Variants in PCDHGA3 observed in about 807,000 individuals in gnomAD.
The protein encoded by PCDHGA3 is protocadherin gamma subfamily A, 3, also known as protocadherin gamma-A3.
PCDHGA3 carries 40 observed loss-of-function variants against 58.5 expected under a neutral mutation model. That is an observed-to-expected ratio of 0.68 (90% CI 0.53 to 0.89). The LOEUF (loss-of-function observed/expected upper bound fraction) is 0.89, where lower values mean the gene tolerates loss of function less well. PCDHGA3 is among the 40% of genes least tolerant of loss of function. The pLI, the probability that PCDHGA3 is intolerant of heterozygous loss-of-function variation, is 0.00. For missense variants in PCDHGA3, 1,223 were observed against 1,195.9 expected (o/e 1.02, Z -0.33); for synonymous variants, 530 against 525.7 (o/e 1.01, Z -0.11).
intron 1 of PCDHGA3, among the ~76,000 whole-genome samples, chr5:141,472,527 G>A (rs905459978): frequency 1.3e-5 from 2 of 151,468 alleles, no homozygotes; most frequent in African/African-American, 4.9e-5. Flanking sequence ...GTGACAGAGT[G>A]AGACACCATC....
At chr5:141,479,620 G>A (rs2099501211) in intron 1 of PCDHGA3, 2 of 152,192 alleles carry the variant, frequency 1.3e-5, no homozygotes, top group African/African-American at 4.8e-5. Context: ...GGGAAACCAT[G>A]TCTCTTTAAC....
intron 1 of PCDHGA3, chr5:141,400,262 G>A: frequency 6.2e-7 from 1 of 1,614,032 alleles, no homozygotes; most frequent in Non-Finnish European, 8.5e-7. Flanking sequence ...TTGCGCCTGC[G>A]ACGCTCCTCC....
intron 1 of PCDHGA3, chr5:141,415,978 C>A: frequency 5.7e-6 from 2 of 353,430 alleles, no homozygotes; most frequent in Non-Finnish European, 9.4e-6. Flanking sequence ...CTTAAGCAAC[C>A]CTCTTGTTCT....
chr5:141,511,359 T>C lies in PCDHGA3; in HGVS notation c.*186T>C. The stretch of plus-strand genomic sequence containing the variant: ...CACCTACCCCTTCCCCCCCAGGGGG[T>C]TGAATATGCAAAAGCAGTTCCGCTG... On this transcript the variant is annotated 3_prime_UTR_variant, in exon 4 of 4. Coordinates refer to ENST00000253812, the MANE Select transcript of PCDHGA3 (RefSeq NM_018916.4). The C allele has an allele frequency of 2.2e-6, 3 of 1,339,338 alleles. No homozygotes were observed. In the South Asian group the frequency reaches 4.6e-5, roughly 20 times the overall value. The allele number at this position is 1,339,338 out of a possible 1,614,324, so 83.0% of individuals were successfully genotyped here. A position where few individuals can be genotyped will look rare whatever the true frequency, so the allele number is the denominator to read the frequency against.
At chr5:141,421,034 C>G (rs2096540283) in intron 1 of PCDHGA3, 2 of 538,266 alleles carry the variant, frequency 3.7e-6, no homozygotes, top group Non-Finnish European at 6.4e-6. Context: ...CATTGAGTCC[C>G]TCCCTCCCCC....
intron 1 of PCDHGA3, among the ~76,000 whole-genome samples, chr5:141,443,679 A>G (rs1158105871): frequency 6.6e-6 from 1 of 152,268 alleles, no homozygotes; most frequent in African/African-American, 2.4e-5. Flanking sequence ...AGTAGTTTAC[A>G]AACACTTCAA....
rs527641698 is a variant in PCDHGA3 at position 141,410,317 on chromosome 5, C to G, written c.2424+63860C>G. The G allele has an allele frequency of 2.5e-6, 4 of 1,613,892 alleles. No homozygotes were observed. In the East Asian group the frequency reaches 6.7e-5, roughly 27 times the overall value. ...CCTTAATCTCAGTGCTCTTCCTCCT[C>G]GCCGTGATTCTGGCCATTGCCTTGC... On this transcript the variant is annotated intron_variant, in intron 1 of 3. Transcript: ENST00000253812.
chr5:141,376,550 C>T (rs1772814272), intron 1 of PCDHGA3: 2 of 1,611,946 alleles, frequency 1.2e-6, no homozygotes, highest in African/African-American at 1.3e-5. Context: ...ATCTGATCTT[C>T]CCGCAACCCA....
chr5:141,490,103 C>T lies in PCDHGA3; in HGVS notation c.2425-4704C>T, dbSNP rs1012215533. ...TCTTTTGGAGACCACACATCTGAGG[C>T]AGTGCGGAACCTCTTTGGCCTAGAC... On this transcript the variant is annotated intron_variant, in intron 1 of 3. Coordinates refer to ENST00000253812, the MANE Select transcript of PCDHGA3 (RefSeq NM_018916.4). The surrounding 1 kb of genome is among the most constrained non-coding windows in gnomAD (Gnocchi z 5.4). The T allele has an allele frequency of 6.2e-7, 1 of 1,614,122 alleles. No homozygotes were observed. The highest frequency in any genetic ancestry group is 1.3e-5 in the African/African-American group (1 of 74,954).
chr5:141,454,228 T>C (rs6896225), intron 1 of PCDHGA3, among the ~76,000 whole-genome samples: 1,935 of 152,208 alleles, frequency 0.013, 54 homozygotes, highest in African/African-American at 0.044. Flanking sequence ...AAAGTAATTG[T>C]GATGAAAAGG....
intron 1 of PCDHGA3, among the ~76,000 whole-genome samples, chr5:141,460,753 A>ATATACATATTGCATATGTATG (rs1435827019): frequency 4.6e-5 from 7 of 152,094 alleles, no homozygotes; most frequent in Non-Finnish European, 1.0e-4. Flanking sequence ...ATATGTGTAC[A>ATATACATATTGCATATGTATG]TATACATATT....
intron 1 of PCDHGA3, chr5:141,355,056 T>C (rs1323351073): frequency 3.2e-6 from 4 of 1,231,780 alleles, no homozygotes; most frequent in Admixed American, 5.8e-5. Context: ...AAGCACTGGC[T>C]CTGGAGCTTT....
chr5:141,351,871 G>C, intron 1 of PCDHGA3: 3 of 1,613,256 alleles, frequency 1.9e-6, no homozygotes, highest in Non-Finnish European at 2.5e-6. Context: ...GCTCCCCCGC[G>C]CTCAGCGCCA....
intron 1 of PCDHGA3, among the ~76,000 whole-genome samples, chr5:141,472,980 C>CAAAAAAAAAAAAAAAAA (rs60579131): frequency 5.8e-5 from 5 of 86,060 alleles, no homozygotes; most frequent in African/African-American, 3.9e-5. Context: ...GAGTGAAACT[C>CAAAAAAAAAAAAAAAAA]AAAAAAAAAA....
chr5:141,409,125 AT>A, intron 1 of PCDHGA3: 1 of 1,613,982 alleles, frequency 6.2e-7, no homozygotes, highest in Non-Finnish European at 8.5e-7. Context: ...CAGTCATTTG[AT>A]TTTGAAGATG....
At chr5:141,410,260 T>C in intron 1 of PCDHGA3, 1 of 1,614,054 alleles carries the variant, frequency 6.2e-7, no homozygotes, top group Non-Finnish European at 8.5e-7. Context: ...ACCCCCAGGC[T>C]GAACTGCAGT....
rs543209695 is a variant in PCDHGA3, at chr5:141,431,563, C to A, written c.2425-63244C>A. The stretch of plus-strand genomic sequence containing the variant: ...AGCTGCTTGTAGTCAACGCTACCGA[C>A]CCTGACGAAGGAGTCAATGCGGAAG... On this transcript the variant is annotated intron_variant, in intron 1 of 3. Coordinates refer to ENST00000253812, the MANE Select transcript of PCDHGA3 (RefSeq NM_018916.4). The surrounding 1 kb of genome is among the most constrained non-coding windows in gnomAD (Gnocchi z 4.8). 1.2e-6 allele frequency: 2 copies of A among 1,614,144 alleles called. No individual in the cohort carries two copies. The highest frequency in any genetic ancestry group is 2.7e-5 in the African/African-American group (2 of 75,072).
chr5:141,384,410 A>G, intron 1 of PCDHGA3: 1 of 1,613,844 alleles, frequency 6.2e-7, no homozygotes, highest in Non-Finnish European at 8.5e-7. Flanking sequence ...GTGTCCTCCT[A>G]TGTCTCCATA....
At chr5:141,367,902 T>C (rs1249968582) in intron 1 of PCDHGA3, 1 of 152,146 alleles carries the variant, frequency 6.6e-6, no homozygotes, top group Non-Finnish European at 1.5e-5. Context: ...TTTAAGGTTG[T>C]ATTTGAAAAA....
Sources: allele counts gnomAD v4.1 joint callset (sites outside exome capture counted in the v4.1 genomes callset), GRCh38; gene constraint gnomAD v4.1.1; non-coding constraint Gnocchi (gnomAD v3.1); transcripts MANE v1.5; gene names NCBI Gene and HGNC (gene_info 2026-07-23, HGNC 2026-07-21).